Variants in HPSE2 observed in about 807,000 individuals in gnomAD.
HPSE2 encodes the protein heparanase 2 (inactive), also known as inactive heparanase-2.
A neutral mutation model predicts 60.5 loss-of-function variants in HPSE2; 38 were observed. The observed-to-expected ratio is 0.63, with a 90% confidence interval of 0.48 to 0.82. HPSE2 has a LOEUF of 0.82. HPSE2 is among the 40% of genes least tolerant of loss of function. The pLI, the probability that HPSE2 is intolerant of heterozygous loss-of-function variation, is 0.00. For missense variants in HPSE2, 713 were observed against 740.4 expected, an observed-to-expected ratio of 0.96 and a Z score of 0.43; for synonymous variants, 295 against 293.2, an observed-to-expected ratio of 1.01 and a Z score of -0.06.
In HPSE2 at chr10:98,987,129, C is replaced by T. The variant is rs539748600; in HGVS notation, c.610+157109G>A. ...ATCAATAGAAAAAGAGGGAATCCTCCCTAACTCATTTTATGAGGCCAGCAT... is the reference window on the plus strand; with the variant it reads ...ATCAATAGAAAAAGAGGGAATCCTCTCTAACTCATTTTATGAGGCCAGCAT... On this transcript the variant is annotated intron_variant, in intron 3 of 11. Transcript: ENST00000370552. Among the ~76,000 whole-genome samples, 361 of 152,174 alleles carry T rather than the reference C, an allele frequency of 2.4e-3. 2 individuals carry two copies. Among genetic ancestry groups the T allele is most frequent in the Middle Eastern group, 0.02 (6 of 294 alleles).
chr10:98,723,276 T>G (rs1948977038), intron 4 of HPSE2, among the ~76,000 whole-genome samples: 1 of 152,170 alleles, frequency 6.6e-6, no homozygotes, highest in African/African-American at 2.4e-5. Context: ...TTACTGATTT[T>G]TGTATGTTGA....
Position 98,476,565 on chromosome 10 carries a change from G to A in HPSE2, c.1613+6071C>T, listed in dbSNP as rs1038496590. ...AGCACTTTGGGAGGCTGCGGCAGGT[G>A]GATCACCTGAGGTCAGGAGTTTGAG... On this transcript the variant is annotated intron_variant, in intron 11 of 11. Coordinates refer to ENST00000370552, the MANE Select transcript of HPSE2 (RefSeq NM_021828.5). Among the ~76,000 whole-genome samples, 5 of 152,192 alleles carry A rather than the reference G, an allele frequency of 3.3e-5. No individual in the cohort carries two copies. The East Asian group carries it at 9.7e-4, about 29-fold the overall frequency.
chr10:98,606,604 C>T (rs888545813), intron 9 of HPSE2, among the ~76,000 whole-genome samples: 6 of 152,132 alleles, frequency 3.9e-5, no homozygotes, highest in Admixed American at 2.0e-4. Context: ...ATGGTGTGTT[C>T]TATTGAATCC....
chr10:99,276,525 G>A, the HPSE2 span, among the ~76,000 whole-genome samples: 129 of 152,160 alleles, frequency 8.5e-4, no homozygotes, highest in African/African-American at 2.9e-3. Context: ...GCTCTCATCT[G>A]AACATTCATA....
chr10:99,101,511 G>C (rs774708192), intron 3 of HPSE2, among the ~76,000 whole-genome samples: 13 of 152,268 alleles, frequency 8.5e-5, no homozygotes, highest in East Asian at 5.8e-4. Context: ...GACCTACAAA[G>C]AGACTTAGAC....
intron 2 of HPSE2, among the ~76,000 whole-genome samples, chr10:99,199,845 T>C (rs1372148124): frequency 3.3e-5 from 5 of 152,170 alleles, no homozygotes; most frequent in Admixed American, 6.5e-5. Context: ...CTGATAGGGA[T>C]TGCATTGAAT....
chr10:98,549,927 G>A (rs151293934), intron 9 of HPSE2, among the ~76,000 whole-genome samples: 23 of 152,222 alleles, frequency 1.5e-4, no homozygotes, highest in African/African-American at 4.1e-4. Flanking sequence ...AGCTCTATAT[G>A]TGACTCCCAG....
chr10:98,559,741 T>C (rs1944117137), intron 9 of HPSE2, among the ~76,000 whole-genome samples: 1 of 152,054 alleles, frequency 6.6e-6, no homozygotes, highest in Admixed American at 6.6e-5. Context: ...CCTGGGAGAG[T>C]CACTATACAG....
the HPSE2 span, among the ~76,000 whole-genome samples, chr10:99,278,280 A>C: frequency 6.6e-6 from 1 of 152,148 alleles, no homozygotes; most frequent in Non-Finnish European, 1.5e-5. Context: ...AGTGTTCTAT[A>C]TTTCCAAAAT....
intron 7 of HPSE2, among the ~76,000 whole-genome samples, chr10:98,623,322 G>A (rs1946122249): frequency 6.6e-6 from 1 of 152,086 alleles, no homozygotes; most frequent in Non-Finnish European, 1.5e-5. Flanking sequence ...TGAAGAAGAA[G>A]AGGAAGTTTA....
At chr10:99,201,615 T>C (rs1848577657) in intron 2 of HPSE2, among the ~76,000 whole-genome samples, 1 of 152,162 alleles carries the variant, frequency 6.6e-6, no homozygotes, top group South Asian at 2.1e-4. Context: ...CATTAGTATA[T>C]TGGAAATGGA....
chr10:98,590,716 A>G lies in HPSE2; in HGVS notation c.1320+24188T>C, dbSNP rs112033677. 5.0e-3 allele frequency among the ~76,000 whole-genome samples: 756 copies of G among 152,274 alleles called. 5 individuals carry two copies. Among genetic ancestry groups the G allele is most frequent in the African/African-American group, 0.017 (724 of 41,552 alleles). The stretch of plus-strand genomic sequence containing the variant: ...TCCAATAGCTTTCCCACACCAGGAA[A>G]ATGAAATTTATGATAAAGTAGCTTC... On this transcript the variant is annotated intron_variant, in intron 9 of 11. Coordinates refer to ENST00000370552, the MANE Select transcript of HPSE2 (RefSeq NM_021828.5).
At chr10:99,145,057 C>T (rs913988212) in intron 2 of HPSE2, among the ~76,000 whole-genome samples, 2 of 152,198 alleles carry the variant, frequency 1.3e-5, no homozygotes, top group African/African-American at 4.8e-5. Context: ...GAAGATCTGC[C>T]TTTTCCCCAA....
At chr10:98,875,999 G>C (rs1236794306) in intron 3 of HPSE2, among the ~76,000 whole-genome samples, 1 of 151,758 alleles carries the variant, frequency 6.6e-6, no homozygotes, top group Non-Finnish European at 1.5e-5. Flanking sequence ...TGATTTCTTG[G>C]GTAGGTTTCT....
At chr10:98,623,311 T>C (rs757810626) in intron 7 of HPSE2, among the ~76,000 whole-genome samples, 2 of 152,016 alleles carry the variant, frequency 1.3e-5, no homozygotes, top group African/African-American at 2.4e-5. Flanking sequence ...TTTCCTAGGG[T>C]TGAAGAAGAA....
rs1004036761 is a variant in HPSE2 at position 99,112,210 on chromosome 10, T to C, written c.610+32028A>G. On this transcript the variant is annotated intron_variant, in intron 3 of 11. Transcript: ENST00000370552. ...AATACAGTAACAATAATATATTTTA[T>C]AACATAAGCCATAGGAGAACAAAAT... is the stretch of plus-strand genomic sequence containing the variant. Among the ~76,000 whole-genome samples, 3 of 152,186 alleles carry C rather than the reference T, an allele frequency of 2.0e-5. No individual in the cohort carries two copies. In the South Asian group the frequency reaches 6.2e-4, roughly 31 times the overall value.
At chr10:99,298,964 T>C in the HPSE2 span, among the ~76,000 whole-genome samples, 1 of 152,202 alleles carries the variant, frequency 6.6e-6, no homozygotes, top group Non-Finnish European at 1.5e-5. Context: ...TGAGCCACTG[T>C]GCCCAGCCTA....
chr10:99,159,403 C>T (rs915283115), intron 2 of HPSE2, among the ~76,000 whole-genome samples: 4 of 151,986 alleles, frequency 2.6e-5, no homozygotes, highest in East Asian at 1.9e-4. Context: ...GTTGCTTTTG[C>T]GTGGTGAAAC....
At chr10:98,974,383 TG>T (rs959297378) in intron 3 of HPSE2, among the ~76,000 whole-genome samples, 2 of 152,136 alleles carry the variant, frequency 1.3e-5, no homozygotes, top group African/African-American at 4.8e-5. Flanking sequence ...TTGCCCAGGC[TG>T]GAGTGCAGTG....
Sources: gnomAD v4.1 joint callset for allele counts (sites outside exome capture counted in the v4.1 genomes callset) on GRCh38, gnomAD v4.1.1 for gene constraint, MANE v1.5 for transcripts, NCBI Gene and HGNC (gene_info 2026-07-23, HGNC 2026-07-21) for gene names.